The following ATXN7L1 variants were observed in gnomAD, a reference collection of about 807,000 sequenced individuals.
ATXN7L1 encodes ataxin 7 like 1, also known as ataxin-7-like protein 1.
Under a neutral mutation model 70.8 loss-of-function variants are expected in ATXN7L1, and 15 were observed. The observed-to-expected ratio is 0.21, with a 90% CI of 0.14 to 0.33. The LOEUF is 0.33. Ranked by LOEUF, ATXN7L1 falls within the 10% of genes least tolerant of loss-of-function variation. The pLI is 1.00. For missense variants in ATXN7L1, 975 were observed against 1,097.1 expected (o/e 0.89, Z 1.57); for synonymous variants, 440 against 445.1 (o/e 0.99, Z 0.14).
chr7:105,738,197 G>T (rs538448529), intron 3 of ATXN7L1, among the ~76,000 whole-genome samples: 10 of 152,316 alleles, frequency 6.6e-5, no homozygotes, highest in African/African-American at 2.4e-4. Flanking sequence ...CTTTCGTGTG[G>T]CCTTGAAGGA....
intron 2 of ATXN7L1, among the ~76,000 whole-genome samples, chr7:105,850,202 T>C (rs772927681): frequency 6.6e-6 from 1 of 152,256 alleles, no homozygotes; most frequent in Admixed American, 6.5e-5. Context: ...CTGAAAGATG[T>C]GCCACCACGT....
chr7:105,827,701 T>C (rs1417420845), intron 2 of ATXN7L1, among the ~76,000 whole-genome samples: 6 of 152,172 alleles, frequency 3.9e-5, no homozygotes. Context: ...AGGATGACTG[T>C]ATCTTGTTTA....
intron 4 of ATXN7L1, among the ~76,000 whole-genome samples, chr7:105,663,766 T>A (rs918074524): frequency 2.6e-5 from 4 of 151,990 alleles, no homozygotes; most frequent in African/African-American, 9.7e-5. Context: ...GCCTCAGATT[T>A]TTTTTTTCTT....
In ATXN7L1 at chr7:105,859,009, A is replaced by G. The variant is rs189881329; in HGVS notation, c.250+16803T>C. Reference sequence around the variant, plus strand: ...AACAACCAAATGCAGTACATGAACCATAACAGGATCTAGTTTGAAAAATGC... The same window carrying G: ...AACAACCAAATGCAGTACATGAACCGTAACAGGATCTAGTTTGAAAAATGC... On this transcript the variant is annotated intron_variant, in intron 2 of 11. Coordinates refer to ENST00000419735, the MANE Select transcript of ATXN7L1 (RefSeq NM_020725.2). Among the ~76,000 whole-genome samples, 244 of 152,296 alleles carry G rather than the reference A, an allele frequency of 1.6e-3. 1 individual carries two copies. The highest frequency in any genetic ancestry group is 5.7e-3 in the African/African-American group (235 of 41,570).
At chr7:105,722,560 TAAAAAAAAAAAAAAAAAAAA>T (rs56228890) in intron 3 of ATXN7L1, among the ~76,000 whole-genome samples, 11 of 20,838 alleles carry the variant, frequency 5.3e-4, no homozygotes, top group East Asian at 3.6e-3. Context: ...GACTCTGCCT[TAAAAAAAAAAAAAAAAAAAA>T]AAAAAAAAAA....
chr7:105,826,945 G>A (rs1239137867), intron 2 of ATXN7L1, among the ~76,000 whole-genome samples: 1 of 152,214 alleles, frequency 6.6e-6, no homozygotes, highest in East Asian at 1.9e-4. Context: ...AGCTGATACG[G>A]TTTGCCATCG....
chr7:105,636,680 G>A (rs900374478), intron 7 of ATXN7L1, among the ~76,000 whole-genome samples: 4 of 152,134 alleles, frequency 2.6e-5, no homozygotes, highest in African/African-American at 7.2e-5. Context: ...ACTGCTTGGT[G>A]AGAAGTGCCT....
chr7:105,651,063 G>A, intron 4 of ATXN7L1, among the ~76,000 whole-genome samples: 1 of 152,166 alleles, frequency 6.6e-6, no homozygotes, highest in Non-Finnish European at 1.5e-5. Context: ...TGGCTACCCG[G>A]TTTCAGAGCC....
At chr7:105,669,408 G>A (rs1803173090) in intron 3 of ATXN7L1, among the ~76,000 whole-genome samples, 1 of 152,184 alleles carries the variant, frequency 6.6e-6, no homozygotes, top group Admixed American at 6.5e-5. Flanking sequence ...TCAATTGAAA[G>A]AACAAGTTGC....
intron 3 of ATXN7L1, among the ~76,000 whole-genome samples, chr7:105,730,299 C>A (rs1179316185): frequency 6.6e-6 from 1 of 152,088 alleles, no homozygotes; most frequent in South Asian, 2.1e-4. Context: ...AAACATATAA[C>A]CCAAGTCTAG....
intron 3 of ATXN7L1, among the ~76,000 whole-genome samples, chr7:105,733,560 A>C (rs1204849699): frequency 1.7e-5 from 2 of 120,140 alleles, no homozygotes; most frequent in Admixed American, 8.3e-5. Context: ...CCATCCACCC[A>C]TCCATCCTTC....
intron 7 of ATXN7L1, among the ~76,000 whole-genome samples, chr7:105,628,370 CAAG>C (rs1423947998): frequency 6.6e-6 from 1 of 151,880 alleles, no homozygotes; most frequent in East Asian, 1.9e-4. Flanking sequence ...AAAACAAAAA[CAAG>C]AAGAAAATAG....
chr7:105,791,852 T>C (rs1805298190), intron 2 of ATXN7L1, among the ~76,000 whole-genome samples: 1 of 152,194 alleles, frequency 6.6e-6, no homozygotes. Flanking sequence ...TATAAGGTGA[T>C]ATTAAAAATT....
At chr7:105,846,066 AG>A (rs927963697) in intron 2 of ATXN7L1, among the ~76,000 whole-genome samples, 2 of 152,208 alleles carry the variant, frequency 1.3e-5, no homozygotes, top group African/African-American at 4.8e-5. Flanking sequence ...CAAAATTAAA[AG>A]CTTTTGTGCT....
chr7:105,800,322 C>A (rs927974756), intron 2 of ATXN7L1, among the ~76,000 whole-genome samples: 1 of 152,212 alleles, frequency 6.6e-6, no homozygotes, highest in African/African-American at 2.4e-5. Context: ...CCATCCCCGA[C>A]TCTTCCCTCC....
intron 3 of ATXN7L1, among the ~76,000 whole-genome samples, chr7:105,679,971 T>C (rs1241900528): frequency 1.3e-5 from 2 of 151,970 alleles, no homozygotes; most frequent in African/African-American, 4.8e-5. Flanking sequence ...CTTTATCTTC[T>C]GCTAGGACCT....
intron 2 of ATXN7L1, among the ~76,000 whole-genome samples, chr7:105,844,674 G>C (rs1399640307): frequency 6.6e-6 from 1 of 152,146 alleles, no homozygotes; most frequent in Non-Finnish European, 1.5e-5. Flanking sequence ...AATAAGACAA[G>C]AATGTCCACT....
chr7:105,788,326 G>A (rs1804624646), intron 3 of ATXN7L1: 1 of 360,054 alleles, frequency 2.8e-6, no homozygotes, highest in East Asian at 4.8e-5. Flanking sequence ...CACCTGCAGA[G>A]GCCATCGCTA....
At position 105,724,610 on chromosome 7, in the gene ATXN7L1, C is replaced by T. The variant is rs545369112; in HGVS notation, c.356-59322G>A. ...AAAAAAAAAAAAAAAAAAAGGAGGC[C>T]GGGCGTGGTGGCTCACGCCTGCAAT... On this transcript the variant is annotated intron_variant, in intron 3 of 11. Transcript: ENST00000419735. Among the ~76,000 whole-genome samples the T allele has an allele frequency of 9.3e-3, 1,376 of 147,590 alleles. 8 individuals carry two copies. The highest frequency in any genetic ancestry group is 0.015 in the Non-Finnish European group (1,007 of 67,356).
Sources: allele counts gnomAD v4.1 joint callset (sites outside exome capture counted in the v4.1 genomes callset), GRCh38; gene constraint gnomAD v4.1.1; transcripts MANE v1.5; gene names NCBI Gene and HGNC (gene_info 2026-07-23, HGNC 2026-07-21).